ASAP1: variants seen among roughly 807,000 people sequenced by gnomAD.
ASAP1 encodes the protein arf-GAP with SH3 domain, ANK repeat and PH domain-containing protein 1.
A neutral mutation model predicts 145.2 loss-of-function variants in ASAP1; 43 were observed. The observed-to-expected ratio is 0.30, with a 90% CI of 0.23 to 0.38. The LOEUF (loss-of-function observed/expected upper bound fraction) is 0.38. ASAP1 is among the 10% of genes least tolerant of loss of function. The pLI is 1.00. For missense variants in ASAP1, 1,018 were observed against 1,355.3 expected (o/e 0.75, Z 3.91); for synonymous variants, 546 against 515.5 (o/e 1.06, Z -0.80).
At chr8:130,232,623 T>TAAA (rs1303416589) in intron 4 of ASAP1, among the ~76,000 whole-genome samples, 1 of 142,520 alleles carries the variant, frequency 7.0e-6, no homozygotes, top group Admixed American at 7.0e-5. Flanking sequence ...ACAATTTGTT[T>TAAA]AAAAAAAAAA....
intron 1 of ASAP1, among the ~76,000 whole-genome samples, chr8:130,409,355 G>A (rs900952500): frequency 2.6e-5 from 4 of 152,164 alleles, no homozygotes; most frequent in Admixed American, 1.3e-4. Flanking sequence ...TGTACTAATC[G>A]CTAGGTCTTT....
intron 3 of ASAP1, among the ~76,000 whole-genome samples, chr8:130,284,415 C>G (rs549094630): frequency 6.6e-6 from 1 of 151,960 alleles, no homozygotes; most frequent in East Asian, 1.9e-4. Context: ...CCCATAAAGG[C>G]AAAAACGGGA....
At chr8:130,127,517 A>G (rs575846959) in intron 16 of ASAP1, among the ~76,000 whole-genome samples, 16 of 152,272 alleles carry the variant, frequency 1.1e-4, no homozygotes, top group Non-Finnish European at 1.8e-4. Context: ...GTGCCATAGC[A>G]AGAGGTTTAC....
chr8:130,411,053 G>A (rs1302427978), intron 1 of ASAP1, among the ~76,000 whole-genome samples: 2 of 152,162 alleles, frequency 1.3e-5, no homozygotes, highest in African/African-American at 2.4e-5. Flanking sequence ...TAGAGACGGG[G>A]TTTTGCCATG....
chr8:130,173,661 G>A (rs1813743022), intron 9 of ASAP1, among the ~76,000 whole-genome samples: 1 of 151,852 alleles, frequency 6.6e-6, no homozygotes, highest in Admixed American at 6.6e-5. Context: ...CCTGCTACTT[G>A]GGAGACTGAG....
chr8:130,167,040 A>T (rs577691528), intron 11 of ASAP1, among the ~76,000 whole-genome samples: 1 of 152,198 alleles, frequency 6.6e-6, no homozygotes, highest in Non-Finnish European at 1.5e-5. Context: ...ACAGTGGCTC[A>T]TGTCTGTAAT....
At chr8:130,420,976 C>G (rs1227756828) in intron 1 of ASAP1, among the ~76,000 whole-genome samples, 1 of 151,972 alleles carries the variant, frequency 6.6e-6, no homozygotes, top group Non-Finnish European at 1.5e-5. Flanking sequence ...ATAATACCTA[C>G]TTGGTAGAAT....
intron 2 of ASAP1, among the ~76,000 whole-genome samples, chr8:130,374,868 C>T (rs770762638): frequency 5.3e-5 from 8 of 152,168 alleles, no homozygotes; most frequent in Admixed American, 4.6e-4. Context: ...ATAGTGGTGT[C>T]GCTGTTCACA....
chr8:130,234,194 A>C (rs1303507206), intron 4 of ASAP1, among the ~76,000 whole-genome samples: 2 of 152,152 alleles, frequency 1.3e-5, no homozygotes, highest in African/African-American at 4.8e-5. Context: ...GATGATGGAG[A>C]AGTTTCTATT....
intron 2 of ASAP1, among the ~76,000 whole-genome samples, chr8:130,394,435 CG>C (rs1192513934): frequency 6.6e-6 from 1 of 152,098 alleles, no homozygotes; most frequent in African/African-American, 2.4e-5. Context: ...TTGGTCAGAC[CG>C]GTTGCTCTCA....
intron 2 of ASAP1, among the ~76,000 whole-genome samples, chr8:130,398,406 G>A (rs1304047882): frequency 2.0e-5 from 3 of 152,164 alleles, no homozygotes; most frequent in Middle Eastern, 3.4e-3. Flanking sequence ...AATAATAATG[G>A]TATAGTAGTA....
At chr8:130,167,921 T>C (rs2097683274) in intron 10 of ASAP1, among the ~76,000 whole-genome samples, 1 of 152,216 alleles carries the variant, frequency 6.6e-6, no homozygotes, top group South Asian at 2.1e-4. Flanking sequence ...CTTCTGGTTT[T>C]TCAAAGGGTG....
At chr8:130,167,446 T>A (rs1422703561) in intron 11 of ASAP1, 90 bp downstream of exon 11, 2 of 999,998 alleles carry the variant, frequency 2.0e-6, no homozygotes, top group Non-Finnish European at 3.2e-6. Context: ...TATATCACTG[T>A]GCCTGTCTTG....
intron 3 of ASAP1, among the ~76,000 whole-genome samples, chr8:130,277,412 TGAGAG>T (rs967469919): frequency 6.6e-5 from 10 of 152,194 alleles, no homozygotes; most frequent in Non-Finnish European, 1.5e-4. Flanking sequence ...CAGATGAAGT[TGAGAG>T]GAAAGAACCA....
chr8:130,107,283 C>A (rs1450284081), intron 24 of ASAP1, among the ~76,000 whole-genome samples: 2 of 148,618 alleles, frequency 1.3e-5, no homozygotes, highest in Non-Finnish European at 3.0e-5. Context: ...CCCGGGTTCA[C>A]GCCATTCTCC....
rs971617660 is a variant in ASAP1, at chr8:130,179,186, T to C, written c.746+78A>G. On this transcript the variant is annotated intron_variant, in intron 9 of 29. Coordinates refer to ENST00000518721, the MANE Select transcript of ASAP1 (RefSeq NM_018482.4). ...TTAGTCACGAGATGAAGAAAAGATA[T>C]GAAGAGGATTAAGACAAATAATGAA... is the stretch of plus-strand genomic sequence containing the variant. The C allele has an allele frequency of 2.1e-5, 18 of 842,924 alleles. No homozygotes were observed. In the African/African-American group the frequency reaches 2.9e-4, roughly 14 times the overall value. 52.2% of individuals were successfully genotyped at this position (842,924 alleles called of 1,614,324 possible). A position where few individuals can be genotyped will look rare whatever the true frequency, so the allele number is the denominator to read the frequency against.
intron 25 of ASAP1, among the ~76,000 whole-genome samples, chr8:130,085,017 T>C (rs1263000518): frequency 6.6e-6 from 1 of 152,150 alleles, no homozygotes; most frequent in Non-Finnish European, 1.5e-5. Flanking sequence ...AGAGGTCACT[T>C]TGTCAGGGAT....
intron 13 of ASAP1, among the ~76,000 whole-genome samples, chr8:130,141,752 C>G (rs187049391): frequency 6.6e-6 from 1 of 152,272 alleles, no homozygotes; most frequent in Admixed American, 6.5e-5. Context: ...GGATTTCACT[C>G]TGTTGCCCAG....
At chr8:130,337,535 T>G (rs1178643499) in intron 3 of ASAP1, among the ~76,000 whole-genome samples, 2 of 152,190 alleles carry the variant, frequency 1.3e-5, no homozygotes, top group Non-Finnish European at 2.9e-5. Flanking sequence ...AACATGTCCA[T>G]GATAATTAAC....
Sources: allele counts gnomAD v4.1 joint callset (sites outside exome capture counted in the v4.1 genomes callset), GRCh38; gene constraint gnomAD v4.1.1; transcripts MANE v1.5; gene names NCBI Gene and HGNC (gene_info 2026-07-23, HGNC 2026-07-21).